The following CFAP70 variants were observed in gnomAD, a reference collection of about 807,000 sequenced individuals.
The protein encoded by CFAP70 is cilia- and flagella-associated protein 70.
In CFAP70, 81 loss-of-function variants were observed where a neutral mutation model predicts 137.6. That is an observed-to-expected ratio of 0.59 (90% CI 0.49 to 0.71). The LOEUF is 0.71. Ranked by LOEUF, CFAP70 falls within the 30% of genes least tolerant of loss-of-function variation. CFAP70 has a pLI of 0.00. For missense variants in CFAP70, 976 were observed against 1,226.7 expected, an observed-to-expected ratio of 0.80 and a Z score of 3.05; for synonymous variants, 382 against 423.6, an observed-to-expected ratio of 0.90 and a Z score of 1.20.
chr10:73,288,093 C>T (rs951363129), intron 19 of CFAP70, among the ~76,000 whole-genome samples: 10 of 151,954 alleles, frequency 6.6e-5, no homozygotes, highest in Non-Finnish European at 1.3e-4. Flanking sequence ...AGACGGGTTT[C>T]GCCATATTTG....
At chr10:73,270,157 T>C (rs2046129633) in intron 24 of CFAP70, among the ~76,000 whole-genome samples, 1 of 152,200 alleles carries the variant, frequency 6.6e-6, no homozygotes, top group Non-Finnish European at 1.5e-5. Flanking sequence ...GGTAAAAATC[T>C]GATTTGCCTG....
chr10:73,348,396 T>C lies in CFAP70; in HGVS notation c.349+27A>G, dbSNP rs369190455. ...TAAGTTTTATGAGCTTTTCCATTTCTGCTTTTGGGCAAAGCACACATCTGA... is the reference window on the plus strand; with the variant it reads ...TAAGTTTTATGAGCTTTTCCATTTCCGCTTTTGGGCAAAGCACACATCTGA... On this transcript the variant is annotated intron_variant, in intron 4 of 26. Coordinates refer to ENST00000310715, the Ensembl canonical transcript of CFAP70. 7.5e-6 allele frequency: 12 copies of C among 1,595,158 alleles called. No homozygotes were observed. The African/African-American group carries it at 1.3e-4, about 18-fold the overall frequency.
intron 8 of CFAP70, among the ~76,000 whole-genome samples, chr10:73,330,864 C>T (rs943070191): frequency 5.9e-5 from 9 of 152,130 alleles, no homozygotes; most frequent in Non-Finnish European, 1.3e-4. Flanking sequence ...GCAAGTTTAA[C>T]CTATGGTAAA....
chr10:73,337,643 G>A (rs998826282), intron 6 of CFAP70, among the ~76,000 whole-genome samples: 3 of 152,138 alleles, frequency 2.0e-5, no homozygotes, highest in East Asian at 1.9e-4. Context: ...AGTGGTTCAC[G>A]CCTGTAATCC....
At chr10:73,312,034 G>T in intron 10 of CFAP70, 120 bp from the exon 12 acceptor site, 1 of 777,306 alleles carries the variant, frequency 1.3e-6, no homozygotes, top group Non-Finnish European at 2.2e-6. Flanking sequence ...AAAAGAATGA[G>T]TTTGTGTCCT....
chr10:73,275,867 GGTGA>G lies in CFAP70; in HGVS notation c.2521-273_2521-270del, dbSNP rs1345906240. 4.8e-5 allele frequency: 13 copies of G among 271,534 alleles called. No homozygotes were observed. Among genetic ancestry groups the G allele is most frequent in the African/African-American group, 2.7e-4 (12 of 44,746 alleles). The allele number at this position is 271,534 out of a possible 1,614,324, so 16.8% of individuals were successfully genotyped here. A position where few individuals can be genotyped will look rare whatever the true frequency, so the allele number is the denominator to read the frequency against. On this transcript the variant is annotated intron_variant, in intron 21 of 26. Transcript: ENST00000310715. This position sits in a 1 kb window ranked among gnomAD's most constrained non-coding sequence, Gnocchi z 4.0. ...TCTGGTCTTGCTGGTCATCATACTA[GGTGA>G]GTGTTAGACTGCATGTATTATGCAG... is the stretch of plus-strand genomic sequence containing the variant.
At chr10:73,263,276 T>C (rs1330890287) in intron 25 of CFAP70, among the ~76,000 whole-genome samples, 2 of 152,160 alleles carry the variant, frequency 1.3e-5, no homozygotes, top group African/African-American at 4.8e-5. Flanking sequence ...TTTTAATGTT[T>C]TGTAGAGATA....
intron 3 of CFAP70, among the ~76,000 whole-genome samples, chr10:73,351,682 C>T (rs2132531613): frequency 6.6e-6 from 1 of 152,050 alleles, no homozygotes; most frequent in African/African-American, 2.4e-5. Flanking sequence ...CCACGCATCT[C>T]AGCCTCCCAA....
At chr10:73,345,331 G>C in intron 4 of CFAP70, 87 bp from the exon 6 acceptor site, 1 of 1,184,396 alleles carries the variant, frequency 8.4e-7, no homozygotes, top group Non-Finnish European at 1.2e-6. Context: ...TCATATTACT[G>C]TTCAAGATAA....
intron 12 of CFAP70, among the ~76,000 whole-genome samples, chr10:73,305,665 C>T (rs1316401741): frequency 1.3e-5 from 2 of 152,166 alleles, no homozygotes; most frequent in Non-Finnish European, 2.9e-5. Flanking sequence ...ACTGGCTGAA[C>T]ACAAGTTACA....
chr10:73,309,896 A>AT (rs1376639938), intron 12 of CFAP70, among the ~76,000 whole-genome samples: 3 of 151,946 alleles, frequency 2.0e-5, no homozygotes, highest in Non-Finnish European at 4.4e-5. Context: ...AGCTCAGGCA[A>AT]TCCCCCCCAC....
chr10:73,351,071 GTATATATATA>G lies in CFAP70; in HGVS notation c.250+2475_250+2484del, dbSNP rs1158760266. Reference sequence around the variant, plus strand: ...TGTGTGTGTGTGTGTGTGTGTGTGTGTATATATATATATATATATATATATATATATATAT... The same window carrying G: ...TGTGTGTGTGTGTGTGTGTGTGTGTGTATATATATATATATATATATATAT... On this transcript the variant is annotated intron_variant, in intron 3 of 26. Transcript: ENST00000310715. Among the ~76,000 whole-genome samples the G allele has an allele frequency of 5.4e-3, 171 of 31,382 alleles. 4 individuals are homozygous for G. Among genetic ancestry groups the G allele is most frequent in the African/African-American group, 0.012 (131 of 10,938 alleles). The allele number at this position is 31,382 out of a possible 152,430, so 20.6% of individuals were successfully genotyped here.
At chr10:73,357,795 C>T (rs939416097) in intron 1 of CFAP70, among the ~76,000 whole-genome samples, 1 of 152,186 alleles carries the variant, frequency 6.6e-6, no homozygotes, top group Non-Finnish European at 1.5e-5. Context: ...CTCCTCACTC[C>T]GTCTCTACAG....
At chr10:73,299,527 TA>T (rs1386945653) in intron 13 of CFAP70, 77 bp downstream of exon 14, 15 of 1,199,856 alleles carry the variant, frequency 1.3e-5, no homozygotes, top group Non-Finnish European at 1.6e-5. Context: ...GAAGACATAT[TA>T]AAGAGTCCAT....
In CFAP70 at chr10:73,280,017, C is replaced by T. The variant is rs1030237907; in HGVS notation, c.2240-1680G>A. Among the ~76,000 whole-genome samples the T allele has an allele frequency of 3.3e-5, 5 of 152,098 alleles. No homozygotes were observed. In the East Asian group the frequency reaches 7.7e-4, roughly 23 times the overall value. On this transcript the variant is annotated intron_variant, in intron 19 of 26. Transcript: ENST00000310715. ...GAATGTTTGAGAGTTCCAGCTACTC[C>T]ACATCCTTGTTATAAATTTGTCTTA... is the stretch of plus-strand genomic sequence containing the variant.
At chr10:73,282,402 T>C (rs940980661) in intron 19 of CFAP70, among the ~76,000 whole-genome samples, 1 of 152,040 alleles carries the variant, frequency 6.6e-6, no homozygotes. Context: ...GCCAATATCA[T>C]AGTCCCAGGC....
exon 14 of CFAP70, chr10:73,299,059 C>T (rs112759937): frequency 1.4e-5 from 23 of 1,613,638 alleles, no homozygotes; most frequent in African/African-American, 1.2e-4. Context: ...TCTAGAATGG[C>T]TCTAGAAATA....
chr10:73,271,635 G>A (rs906905707), intron 24 of CFAP70, among the ~76,000 whole-genome samples: 3 of 152,110 alleles, frequency 2.0e-5, no homozygotes, highest in African/African-American at 4.8e-5. Context: ...TGTTAACAGT[G>A]GTTATCACCA....
chr10:73,348,388 T>C (rs3812622), intron 4 of CFAP70, 35 bp downstream of exon 4: 1 of 1,586,578 alleles, frequency 6.3e-7, no homozygotes, highest in Non-Finnish European at 8.7e-7. Flanking sequence ...TATGAGCTTT[T>C]CCATTTCTGC....
Sources: allele counts gnomAD v4.1 joint callset (sites outside exome capture counted in the v4.1 genomes callset), GRCh38; gene constraint gnomAD v4.1.1; non-coding constraint Gnocchi (gnomAD v3.1); transcripts MANE v1.5; gene names NCBI Gene and HGNC (gene_info 2026-07-23, HGNC 2026-07-21).